Variants in ARMH3 observed in about 807,000 individuals in gnomAD.
ARMH3 encodes the protein armadillo-like helical domain-containing protein 3.
Under a neutral mutation model 99.1 loss-of-function variants are expected in ARMH3, and 60 were observed. That is an observed-to-expected ratio of 0.61 (90% CI 0.49 to 0.75). The LOEUF is 0.75. Among genes scored for constraint, ARMH3 ranks in the 30% least tolerant of loss-of-function variants. ARMH3 has a pLI of 0.00. For synonymous variants in ARMH3, 285 were observed against 292.8 expected, an observed-to-expected ratio of 0.97 and a Z score of 0.27; for missense variants, 679 against 843.1, an observed-to-expected ratio of 0.81 and a Z score of 2.41.
At chr10:101,984,647 G>A (rs751548061) in intron 19 of ARMH3, among the ~76,000 whole-genome samples, 2 of 151,966 alleles carry the variant, frequency 1.3e-5, no homozygotes, top group Non-Finnish European at 2.9e-5. Context: ...CTCCAGCACT[G>A]CTCCTAGATT....
At chr10:101,872,832 C>T (rs2067162683) in intron 24 of ARMH3, among the ~76,000 whole-genome samples, 1 of 151,616 alleles carries the variant, frequency 6.6e-6, no homozygotes, top group African/African-American at 2.4e-5. Flanking sequence ...GTGGTAGGCG[C>T]CTGTAATCCC....
At chr10:101,997,263 G>A (rs532200999) in intron 15 of ARMH3, among the ~76,000 whole-genome samples, 1 of 151,416 alleles carries the variant, frequency 6.6e-6, no homozygotes, top group East Asian at 1.9e-4. Context: ...GTGAGACTCT[G>A]TCTCAAACAA....
At chr10:101,849,737 G>A (rs747734519) in intron 25 of ARMH3, 39 bp downstream of exon 25, 6 of 1,549,050 alleles carry the variant, frequency 3.9e-6, no homozygotes, top group East Asian at 2.3e-5. Context: ...GGCTGGGGGC[G>A]GGCCCCTAAG....
At chr10:102,044,633 G>C (rs943255226) in intron 1 of ARMH3, among the ~76,000 whole-genome samples, 2 of 152,272 alleles carry the variant, frequency 1.3e-5, no homozygotes, top group East Asian at 3.9e-4. Flanking sequence ...CAAAGTGCTA[G>C]AATTGCAGGC....
At chr10:102,018,504 T>C (rs183811472) in intron 8 of ARMH3, among the ~76,000 whole-genome samples, 21 of 152,338 alleles carry the variant, frequency 1.4e-4, no homozygotes, top group Admixed American at 8.5e-4. Context: ...GCATATACTA[T>C]GGTGGTCCCA....
intron 23 of ARMH3, among the ~76,000 whole-genome samples, chr10:101,912,347 C>A (rs1187292290): frequency 7.3e-6 from 1 of 136,300 alleles, no homozygotes; most frequent in Admixed American, 8.0e-5. Flanking sequence ...GAGCCGAGAT[C>A]GTGCCACTGC....
At chr10:101,970,412 G>T (rs572105504) in intron 20 of ARMH3, among the ~76,000 whole-genome samples, 1 of 152,128 alleles carries the variant, frequency 6.6e-6, no homozygotes, top group African/African-American at 2.4e-5. Context: ...ATTATTATTC[G>T]GCTCAAACAC....
intron 19 of ARMH3, among the ~76,000 whole-genome samples, chr10:101,980,427 T>C (rs1846176187): frequency 6.6e-6 from 1 of 152,152 alleles, no homozygotes; most frequent in Non-Finnish European, 1.5e-5. Flanking sequence ...GCCTCCTAAG[T>C]AGCTCGGATT....
intron 20 of ARMH3, among the ~76,000 whole-genome samples, chr10:101,974,869 C>A (rs1845920518): frequency 6.6e-6 from 1 of 151,706 alleles, no homozygotes; most frequent in Non-Finnish European, 1.5e-5. Context: ...GAGTGAGAAC[C>A]CAAGTTTGTA....
rs958702658 is a variant in ARMH3 at position 102,033,100 on chromosome 10, T to C, written c.232A>G (p.Ile78Val). Residue 78 changes from isoleucine to valine, a missense_variant, in exon 4 of 26, where the codon ATT becomes GTT. Transcript: ENST00000370033. ...ATGCAGTGTTGGAATAAGCAATTAA[T>C]ATTGTCCTTGATCTTCATTAACTCC... Reference protein sequence around the residue: ...GEELMKIKDNINCLFQHCIQA... With the variant: ...GEELMKIKDNVNCLFQHCIQA... 12 of 1,614,104 alleles carry C rather than the reference T, an allele frequency of 7.4e-6. No individual in the cohort carries two copies. The African/African-American group carries it at 1.2e-4, about 16-fold the overall frequency.
At chr10:102,025,110 T>G in intron 6 of ARMH3, 46 bp downstream of exon 6, 1 of 1,457,436 alleles carries the variant, frequency 6.9e-7, no homozygotes, top group Non-Finnish European at 9.6e-7. Context: ...CAAACAGGAT[T>G]GCCCCTCCTG....
intron 11 of ARMH3, among the ~76,000 whole-genome samples, chr10:102,010,358 C>A (rs147636991): frequency 9.5e-4 from 145 of 152,348 alleles, no homozygotes; most frequent in Middle Eastern, 3.4e-3. Context: ...AGTTAACCTA[C>A]ACATCTTCAT....
At chr10:101,884,962 A>C (rs1405173778) in intron 24 of ARMH3, among the ~76,000 whole-genome samples, 1 of 152,228 alleles carries the variant, frequency 6.6e-6, no homozygotes, top group East Asian at 1.9e-4. Context: ...CTAACAGTTA[A>C]CAACAACAAA....
At chr10:101,887,259 C>A (rs75722317) in intron 24 of ARMH3, among the ~76,000 whole-genome samples, 7,477 of 152,126 alleles carry the variant, frequency 0.049, 203 homozygotes, top group Middle Eastern at 0.095. Flanking sequence ...CTCCTCCAAA[C>A]CCCCAAGTGA....
chr10:101,897,864 A>C (rs1275066963), intron 23 of ARMH3, among the ~76,000 whole-genome samples: 2 of 152,230 alleles, frequency 1.3e-5, no homozygotes, highest in African/African-American at 4.8e-5. Context: ...TACAGGCTGA[A>C]GCAAAATGAA....
chr10:101,881,827 A>G (rs1438843468), intron 24 of ARMH3, among the ~76,000 whole-genome samples: 21 of 152,098 alleles, frequency 1.4e-4, no homozygotes, highest in Admixed American at 1.4e-3. Flanking sequence ...TCCTTTTCAG[A>G]TCCTGGTTTT....
chr10:101,889,769 G>A (rs1172914737), intron 23 of ARMH3: 1 of 371,052 alleles, frequency 2.7e-6, no homozygotes, highest in Admixed American at 3.7e-5. Flanking sequence ...AAAATATTGA[G>A]TCCTTCAGAT....
rs1376392648 is a variant in ARMH3 at position 101,858,909 on chromosome 10, T to C, written c.1861-9017A>G. Among the ~76,000 whole-genome samples, 4 of 152,322 alleles carry C rather than the reference T, an allele frequency of 2.6e-5. No individual in the cohort carries two copies. In the East Asian group the frequency reaches 5.8e-4, roughly 22 times the overall value. ...TCAACATGTTTGCTGACTAATTTAG[T>C]AACACAGGCCCAACCAAAAAAGAAA... On this transcript the variant is annotated intron_variant, in intron 24 of 25. Transcript: ENST00000370033.
intron 8 of ARMH3, 94 bp downstream of exon 8, chr10:102,023,383 G>C (rs1213345577): frequency 8.9e-7 from 1 of 1,119,730 alleles, no homozygotes; most frequent in African/African-American, 1.6e-5. Context: ...CATTTACCAA[G>C]AACGTCTTCT....
Sources: allele counts gnomAD v4.1 joint callset (sites outside exome capture counted in the v4.1 genomes callset), GRCh38; gene constraint gnomAD v4.1.1; transcripts MANE v1.5; gene names NCBI Gene and HGNC (gene_info 2026-07-23, HGNC 2026-07-21).